The following RADIL variants were observed in gnomAD, a reference collection of about 807,000 sequenced individuals.
The protein encoded by RADIL is Rap associating with DIL domain.
In RADIL, 99 loss-of-function variants were observed where a neutral mutation model predicts 97.6. That is an observed-to-expected ratio of 1.01 (90% CI 0.86 to 1.20). The LOEUF is 1.20. Among genes scored for constraint, RADIL ranks in the 50% most tolerant of loss-of-function variants. The pLI is 0.00. For missense variants in RADIL, 1,765 were observed against 1,498.9 expected (o/e 1.18, Z -2.93); for synonymous variants, 803 against 691.8 (o/e 1.16, Z -2.52).
intron 5 of RADIL, among the ~76,000 whole-genome samples, chr7:4,830,024 C>T (rs993138130): frequency 1.1e-4 from 16 of 152,166 alleles, no homozygotes; most frequent in African/African-American, 3.4e-4. Flanking sequence ...CCAGACACAC[C>T]CCCTCCCTCA....
At chr7:4,876,834 T>C (rs1395703331) in intron 2 of RADIL, among the ~76,000 whole-genome samples, 1 of 152,188 alleles carries the variant, frequency 6.6e-6, no homozygotes, top group Non-Finnish European at 1.5e-5. Flanking sequence ...CGCGGTACGC[T>C]GAGTGCACCG....
At chr7:4,874,810 C>T (rs930339142) in intron 2 of RADIL, among the ~76,000 whole-genome samples, 6 of 152,132 alleles carry the variant, frequency 3.9e-5, no homozygotes, top group Non-Finnish European at 8.8e-5. Context: ...GTCATCCCAG[C>T]ACTTTAGGAG....
intron 13 of RADIL, 142 bp downstream of exon 13, chr7:4,800,029 C>G (rs539193664): frequency 7.7e-7 from 1 of 1,305,846 alleles, no homozygotes; most frequent in East Asian, 2.6e-5. Context: ...GGTTCCCCTC[C>G]CAGCTGCAGA....
At chr7:4,828,993 G>A (rs1458355873) in intron 5 of RADIL, among the ~76,000 whole-genome samples, 1 of 152,148 alleles carries the variant, frequency 6.6e-6, no homozygotes, top group Admixed American at 6.5e-5. Context: ...GATGAGGGCT[G>A]GGTACACTCC....
rs61202853 is a variant in RADIL, at chr7:4,867,632, G to GTAAA, written c.535+9969_535+9972dup. 0.043 allele frequency among the ~76,000 whole-genome samples: 6,548 copies of GTAAA among 151,534 alleles called. 424 individuals are homozygous for GTAAA. The highest frequency in any genetic ancestry group is 0.15 in the African/African-American group (6,102 of 41,156). On this transcript the variant is annotated intron_variant, in intron 2 of 14. Coordinates refer to ENST00000399583, the MANE Select transcript of RADIL (RefSeq NM_018059.5). This position sits in a 1 kb window ranked among gnomAD's most constrained non-coding sequence, Gnocchi z 4.1. ...CTGTCTCTATTTTTAAAATAAATAA[G>GTAAA]TAAATAAATAAATAAATAAATAATG...
intron 2 of RADIL, among the ~76,000 whole-genome samples, chr7:4,856,574 T>A (rs2115027221): frequency 6.6e-6 from 1 of 152,376 alleles, no homozygotes; most frequent in East Asian, 1.9e-4. Flanking sequence ...ATCTCTTAAT[T>A]GTACCAATCT....
chr7:4,834,738 C>A lies in RADIL; in HGVS notation c.1285G>T (p.Gly429Cys). 1 of 1,411,310 alleles carries A rather than the reference C, an allele frequency of 7.1e-7. No homozygotes were observed. Among genetic ancestry groups the A allele is most frequent in the South Asian group, 1.8e-5 (1 of 55,872 alleles). 87.4% of individuals were successfully genotyped at this position (1,411,310 alleles called of 1,614,324 possible). A position where few individuals can be genotyped will look rare whatever the true frequency, so the allele number is the denominator to read the frequency against. Residue 429 changes from glycine (G) to cysteine (C), a missense_variant, in exon 4 of 15, where the codon GGC becomes TGC. Physicochemically the swap from Gly to Cys is radical, Grantham distance 159. Transcript: ENST00000399583. This position sits in a 1 kb window ranked among gnomAD's most constrained non-coding sequence, Gnocchi z 6.0. ...QRIMTLIEPG[G>C]DDHKLTPAFL... ...GCGGGGGTCAGCTTGTGGTCGTCGC[C>A]CCCCGGCTCGATCAACGTCATGATC...
At position 4,880,628 on chromosome 7, in the gene RADIL, C is replaced by A. The variant is rs1397489553; in HGVS notation, c.-64-2425G>T. Among the ~76,000 whole-genome samples the A allele has an allele frequency of 6.6e-6, 1 of 152,210 alleles. No individual in the cohort carries two copies. Among genetic ancestry groups the A allele is most frequent in the Non-Finnish European group, 1.5e-5 (1 of 68,040 alleles). ...CACACTGGCAGAGGGTCGGCCACCA[C>A]CTTTTCATAGTGCTCATTTCCAACG... On this transcript the variant is annotated intron_variant, in intron 1 of 14. Coordinates refer to ENST00000399583, the MANE Select transcript of RADIL (RefSeq NM_018059.5). The surrounding 1 kb of genome is among the most constrained non-coding windows in gnomAD (Gnocchi z 4.5).
rs143511193 is a variant in RADIL, at chr7:4,839,378, C to T, written c.536-2773G>A. 9.9e-5 allele frequency among the ~76,000 whole-genome samples: 15 copies of T among 151,864 alleles called. No individual in the cohort carries two copies. In the East Asian group the frequency reaches 1.7e-3, roughly 18 times the overall value. On this transcript the variant is annotated intron_variant, in intron 2 of 14. Transcript: ENST00000399583. ...GGTATAATTTCCGTTTTTTTTAATT[C>T]GCTGAGAATTCAAACAAATGTGTTT...
chr7:4,836,363 G>T lies in RADIL; in HGVS notation c.778C>A (p.Gln260Lys). Residue 260 changes from glutamine (Q) to lysine (K), a missense_variant, in exon 3 of 15, where the codon CAG (glutamine) becomes AAG (lysine). Transcript: ENST00000399583. ...HLLLLQGYSQ[Q>K]HDSLVYVLNR... ...TGTCAGGAGGGGAGGCTCACGTGCT[G>T]CTGGCTGTAGCCCTGCAGAAGGAGC... 6.4e-7 allele frequency: 1 copy of T among 1,571,736 alleles called. No individual in the cohort carries two copies. The highest frequency in any genetic ancestry group is 1.9e-5 in the Admixed American group (1 of 53,424).
rs1783334309 is a variant in RADIL at position 4,837,612 on chromosome 7, T to C, written c.536-1007A>G. Among the ~76,000 whole-genome samples the C allele has an allele frequency of 1.3e-5, 2 of 150,936 alleles. No homozygotes were observed. The highest frequency in any genetic ancestry group is 6.6e-5 in the Admixed American group (1 of 15,104). On this transcript the variant is annotated intron_variant, in intron 2 of 14. Transcript: ENST00000399583. The surrounding 1 kb of genome is among the most constrained non-coding windows in gnomAD (Gnocchi z 5.6). ...ACCCACACAAAAATGCACACACACA[T>C]GCACACACATGCACCCAAAAACACA...
At chr7:4,863,100 T>C (rs1390646678) in intron 2 of RADIL, among the ~76,000 whole-genome samples, 1 of 152,162 alleles carries the variant, frequency 6.6e-6, no homozygotes, top group Non-Finnish European at 1.5e-5. Context: ...CTGTCCTCCA[T>C]GTCTCTTAAG....
In RADIL at chr7:4,801,805, G is replaced by T; in HGVS notation, c.2690C>A (p.Thr897Lys). The change falls in exon 12 of 15, where the codon ACG becomes AAG. Residue 897 changes from threonine (T) to lysine (K), a missense_variant. Coordinates refer to ENST00000399583, the MANE Select transcript of RADIL (RefSeq NM_018059.5). ...RGGSQAGPPH[T>K]DSSCLLTPPS... ...AGGCGTGAGCAAGCAGGACGAGTCC[G>T]TGTGCGGGGGGCCAGCCTGGGAGCC... The T allele has an allele frequency of 6.2e-7, 1 of 1,608,864 alleles. No individual in the cohort carries two copies. The highest frequency in any genetic ancestry group is 8.5e-7 in the Non-Finnish European group (1 of 1,178,430).
intron 5 of RADIL, among the ~76,000 whole-genome samples, chr7:4,830,172 T>TG (rs1198965678): frequency 6.6e-6 from 1 of 152,240 alleles, no homozygotes; most frequent in African/African-American, 2.4e-5. Context: ...TCACAGACAC[T>TG]GTGCTAGGTG....
intron 11 of RADIL, 81 bp downstream of exon 11, chr7:4,803,465 G>A (rs1346584614): frequency 1.2e-5 from 15 of 1,236,840 alleles, no homozygotes; most frequent in Admixed American, 1.1e-4. Flanking sequence ...CCCCCTCCCC[G>A]GGCACCTCGG....
chr7:4,838,107 G>A (rs148705805), intron 2 of RADIL: 15 of 960,406 alleles, frequency 1.6e-5, no homozygotes, highest in Admixed American at 1.2e-4. Context: ...GCCGCAGTGC[G>A]AGGCTGCTGG....
Position 4,836,576 on chromosome 7 carries a change from G to A in RADIL, c.565C>T (p.Arg189Trp), listed in dbSNP as rs77298949. 5,157 of 1,607,342 alleles carry A rather than the reference G, an allele frequency of 3.2e-3. 165 individuals carry two copies. The Admixed American group carries it at 0.056, about 17-fold the overall frequency. ...GINAQARRLQ[R>W]SRAKGTPTPA... is the part of the protein sequence containing the mutation. ...GTCGGGGTTCCCTTCGCGCGACTCCGCTGCAGCCTCCGGGCCTGGGCGTTT... is the reference window on the plus strand; with the variant it reads ...GTCGGGGTTCCCTTCGCGCGACTCCACTGCAGCCTCCGGGCCTGGGCGTTT... Residue 189 changes from arginine to tryptophan, a missense_variant, in exon 3 of 15, where the codon CGG (arginine) becomes TGG (tryptophan). By Grantham distance (101) the Arg-to-Trp change is moderately radical. Transcript: ENST00000399583.
At position 4,861,360 on chromosome 7, in the gene RADIL, C is replaced by G. The variant is rs17853680; in HGVS notation, c.535+16245G>C. 5,315 of 1,614,116 alleles carry G rather than the reference C, an allele frequency of 3.3e-3. 11 individuals carry two copies. Among genetic ancestry groups the G allele is most frequent in the Non-Finnish European group, 4.2e-3 (4,990 of 1,179,966 alleles). ...TTGATAACTGGCACAAATGCCTCCT[C>G]GACAGCCCTTAAATCTTTCACTTCC... On this transcript the variant is annotated intron_variant, in intron 2 of 14. Coordinates refer to ENST00000399583, the MANE Select transcript of RADIL (RefSeq NM_018059.5).
intron 5 of RADIL, among the ~76,000 whole-genome samples, chr7:4,831,766 C>G (rs1236260317): frequency 6.6e-6 from 1 of 151,624 alleles, no homozygotes; most frequent in Non-Finnish European, 1.5e-5. Context: ...TGCACACCTG[C>G]AGTCCCAGCT....
Sources: allele counts gnomAD v4.1 joint callset (sites outside exome capture counted in the v4.1 genomes callset), GRCh38; gene constraint gnomAD v4.1.1; non-coding constraint Gnocchi (gnomAD v3.1); transcripts MANE v1.5; gene names NCBI Gene and HGNC (gene_info 2026-07-23, HGNC 2026-07-21).